Variants in ALK observed in about 807,000 individuals in gnomAD.
The protein encoded by ALK is ALK receptor tyrosine kinase, also known as ALK tyrosine kinase receptor.
A neutral mutation model predicts 163.1 loss-of-function variants in ALK; 74 were observed. The ratio of observed to expected loss-of-function variants is 0.45; its 90% confidence interval spans 0.38 to 0.55. The LOEUF is 0.55. Among genes scored for constraint, ALK ranks in the 20% least tolerant of loss-of-function variants. The pLI is 0.00. For missense variants in ALK, 2,063 were observed against 2,105.3 expected, an observed-to-expected ratio of 0.98 and a Z score of 0.39; for synonymous variants, 960 against 843.2, an observed-to-expected ratio of 1.14 and a Z score of -2.40.
intron 3 of ALK, among the ~76,000 whole-genome samples, chr2:29,637,706 C>T (rs1176181440): frequency 1.6e-4 from 2 of 12,478 alleles, no homozygotes; most frequent in African/African-American, 8.6e-4. Flanking sequence ...AAGACTCCGT[C>T]TCCAAAAAAA....
intron 1 of ALK, among the ~76,000 whole-genome samples, chr2:29,737,425 T>C (rs1277472373): frequency 3.3e-5 from 5 of 152,096 alleles, no homozygotes; most frequent in African/African-American, 7.3e-5. Flanking sequence ...ACATTTCATA[T>C]ATAGTTTAAA....
chr2:29,254,152 A>G (rs961882839), intron 11 of ALK, among the ~76,000 whole-genome samples: 3 of 152,192 alleles, frequency 2.0e-5, no homozygotes, highest in African/African-American at 4.8e-5. Context: ...CCCTTCTGCC[A>G]TAAGTGTAAG....
At chr2:29,670,984 A>G (rs1677665764) in intron 3 of ALK, among the ~76,000 whole-genome samples, 2 of 152,050 alleles carry the variant, frequency 1.3e-5, no homozygotes, top group South Asian at 4.1e-4. Flanking sequence ...ACAAATGGCC[A>G]CTTTGTTAGG....
At chr2:29,418,535 C>T (rs1163158203) in intron 4 of ALK, among the ~76,000 whole-genome samples, 3 of 152,164 alleles carry the variant, frequency 2.0e-5, no homozygotes, top group African/African-American at 7.2e-5. Context: ...TCAGTCCTTA[C>T]CCCTCTTACC....
chr2:29,793,350 T>C (rs1433239522), intron 1 of ALK, among the ~76,000 whole-genome samples: 2 of 152,192 alleles, frequency 1.3e-5, no homozygotes, highest in Non-Finnish European at 2.9e-5. Flanking sequence ...ACTGAAGTCT[T>C]GAACCCCTCA....
intron 1 of ALK, among the ~76,000 whole-genome samples, chr2:29,773,660 G>C (rs1231268692): frequency 6.6e-6 from 1 of 152,218 alleles, no homozygotes; most frequent in African/African-American, 2.4e-5. Flanking sequence ...CATCCATTGA[G>C]ATGGATGATG....
chr2:29,657,608 C>T (rs1392543851), intron 3 of ALK, among the ~76,000 whole-genome samples: 1 of 152,050 alleles, frequency 6.6e-6, no homozygotes, highest in African/African-American at 2.4e-5. Context: ...GCTCTGCTGT[C>T]AAGAAAAACA....
chr2:29,320,181 G>T (rs1027970195), intron 7 of ALK, among the ~76,000 whole-genome samples: 2 of 152,238 alleles, frequency 1.3e-5, no homozygotes, highest in Non-Finnish European at 2.9e-5. Flanking sequence ...GAGGCCCTTT[G>T]CTCTCTGCCA....
At chr2:29,915,930 A>G (rs1667822155) in intron 1 of ALK, among the ~76,000 whole-genome samples, 1 of 152,236 alleles carries the variant, frequency 6.6e-6, no homozygotes, top group Non-Finnish European at 1.5e-5. Flanking sequence ...AATATTTGTC[A>G]TTAACAATTT....
intron 9 of ALK, among the ~76,000 whole-genome samples, chr2:29,287,484 A>C (rs1027161766): frequency 6.6e-6 from 1 of 152,208 alleles, no homozygotes; most frequent in African/African-American, 2.4e-5. Flanking sequence ...TTAAATGATG[A>C]TACAGAAGCC....
chr2:29,609,242 C>T (rs1184097404), intron 3 of ALK, among the ~76,000 whole-genome samples: 1 of 152,118 alleles, frequency 6.6e-6, no homozygotes, highest in Admixed American at 6.5e-5. Flanking sequence ...GTTTTTAATG[C>T]CTGTGCCTTA....
intron 19 of ALK, among the ~76,000 whole-genome samples, chr2:29,224,939 T>G (rs1663904549): frequency 6.6e-6 from 1 of 152,244 alleles, no homozygotes; most frequent in Admixed American, 6.5e-5. Flanking sequence ...AAGAGCTGGT[T>G]GGGACCACAC....
intron 1 of ALK, among the ~76,000 whole-genome samples, chr2:29,802,568 GGAGGGGAGGGGAGGGGAAGA>G (rs1208717586): frequency 0.018 from 746 of 42,236 alleles, 56 homozygotes; most frequent in Non-Finnish European, 0.027. Context: ...AGAGGGGAGG[GGAGGGGAGGGGAGGGGAAGA>G]GAGGGGAGGG....
chr2:29,197,446 G>T (rs1669050165), intron 27 of ALK, 96 bp downstream of exon 27: 1 of 1,570,144 alleles, frequency 6.4e-7, no homozygotes, highest in South Asian at 1.2e-5. Flanking sequence ...GCAGCCATCT[G>T]CCCCTTCATC....
rs527857243 is a variant in ALK at position 29,226,408 on chromosome 2, G to T, written c.3067+514C>A. On this transcript the variant is annotated intron_variant, in intron 18 of 28. Transcript: ENST00000389048. ...CAGAAGAATTGTTTGAACCTGGGAA[G>T]CGGAGGTTGCAGTGAGCCGAGACCA... Among the ~76,000 whole-genome samples, 157 of 150,474 alleles carry T rather than the reference G, an allele frequency of 1.0e-3. No homozygotes were observed. In the Middle Eastern group the frequency reaches 0.014, roughly 13 times the overall value.
chr2:29,719,645 G>A (rs571840298), intron 1 of ALK, among the ~76,000 whole-genome samples: 41 of 152,294 alleles, frequency 2.7e-4, no homozygotes, highest in Non-Finnish European at 1.5e-4. Flanking sequence ...TTGCAGCTGA[G>A]GAAATTGAGG....
At chr2:29,385,735 C>A (rs1451461253) in intron 4 of ALK, among the ~76,000 whole-genome samples, 7 of 152,126 alleles carry the variant, frequency 4.6e-5, no homozygotes, top group Non-Finnish European at 1.0e-4. Context: ...TGAATGAGAC[C>A]ATAGTACATA....
chr2:29,719,033 A>T (rs1432116514), intron 1 of ALK, among the ~76,000 whole-genome samples: 1 of 152,198 alleles, frequency 6.6e-6, no homozygotes, highest in African/African-American at 2.4e-5. Context: ...ACACACTTGA[A>T]GGAAATCTCT....
intron 4 of ALK, among the ~76,000 whole-genome samples, chr2:29,422,545 C>T (rs1670040029): frequency 6.6e-6 from 1 of 152,214 alleles, no homozygotes; most frequent in Admixed American, 6.5e-5. Context: ...TTGGGTGCTT[C>T]CTGAGGTGCT....
Sources: gnomAD v4.1 joint callset for allele counts (sites outside exome capture counted in the v4.1 genomes callset) on GRCh38, gnomAD v4.1.1 for gene constraint, MANE v1.5 for transcripts, NCBI Gene and HGNC (gene_info 2026-07-23, HGNC 2026-07-21) for gene names.